Variants in TAF2 observed in about 807,000 individuals in gnomAD.
TAF2 encodes the protein transcription initiation factor TFIID subunit 2.
A neutral mutation model predicts 138.5 loss-of-function variants in TAF2; 61 were observed. That is an observed-to-expected ratio of 0.44 (90% confidence interval 0.36 to 0.54). The LOEUF (loss-of-function observed/expected upper bound fraction) is 0.54, where lower values mean the gene tolerates loss of function less well. Ranked by LOEUF, TAF2 falls within the 20% of genes least tolerant of loss-of-function variation. TAF2 has a pLI of 0.00. For missense variants in TAF2, 1,090 were observed against 1,427.9 expected, an observed-to-expected ratio of 0.76 and a Z score of 3.81; for synonymous variants, 475 against 469.9, an observed-to-expected ratio of 1.01 and a Z score of -0.14.
rs115960755 is a variant in TAF2 at position 119,822,431 on chromosome 8, C to T, written c.139-2925G>A. Among the ~76,000 whole-genome samples the T allele has an allele frequency of 9.2e-3, 1,406 of 152,018 alleles. 15 individuals are homozygous for T. Among genetic ancestry groups the T allele is most frequent in the African/African-American group, 0.033 (1,357 of 41,470 alleles). On this transcript the variant is annotated intron_variant, in intron 2 of 25. Coordinates refer to ENST00000378164, the MANE Select transcript of TAF2 (RefSeq NM_003184.4). ...CTAGAGACGGGTCTTATCATGTTGC[C>T]CAAGCTGGTCTAGAACTTCTGGCCT... is the stretch of plus-strand genomic sequence containing the variant.
chr8:119,763,656 G>A (rs1242838338), intron 18 of TAF2, among the ~76,000 whole-genome samples: 1 of 152,082 alleles, frequency 6.6e-6, no homozygotes, highest in Non-Finnish European at 1.5e-5. Context: ...CTTGAACCCA[G>A]GAGACGGAGG....
At chr8:119,803,713 A>AT (rs1057174637) in intron 5 of TAF2, among the ~76,000 whole-genome samples, 165 bp downstream of exon 5, 2 of 151,560 alleles carry the variant, frequency 1.3e-5, no homozygotes, top group Admixed American at 6.6e-5. Context: ...AGAAAAAAAA[A>AT]TTTTTTTTTA....
intron 25 of TAF2, among the ~76,000 whole-genome samples, chr8:119,740,086 C>G (rs920102305): frequency 1.3e-5 from 2 of 152,120 alleles, no homozygotes; most frequent in Non-Finnish European, 2.9e-5. Context: ...CCTAAACCCG[C>G]AACTCTCAAC....
chr8:119,766,024 A>G (rs1447693251), intron 18 of TAF2, among the ~76,000 whole-genome samples: 3 of 152,206 alleles, frequency 2.0e-5, no homozygotes, highest in African/African-American at 4.8e-5. Context: ...CGATGTAGGT[A>G]TCACAGCTGC....
chr8:119,785,192 C>CTAACTTA lies in TAF2; in HGVS notation c.1859+2_1859+8dup, dbSNP rs1344724877. ...TATTATAACCTTATATTTAAGTTAA[C>CTAACTTA]TAACTTACTCCATTGCAGAAAGATC... On this transcript the variant is annotated intron_variant, in intron 15 of 25. Transcript: ENST00000378164. The CTAACTTA allele has an allele frequency of 2.5e-6, 4 of 1,605,042 alleles. No homozygotes were observed. Among genetic ancestry groups the CTAACTTA allele is most frequent in the Non-Finnish European group, 3.4e-6 (4 of 1,172,242 alleles).
Position 119,789,586 on chromosome 8 carries a change from G to T in TAF2, c.1568+6C>A. 1.9e-6 allele frequency: 3 copies of T among 1,612,942 alleles called. No homozygotes were observed. Among genetic ancestry groups the T allele is most frequent in the Non-Finnish European group, 2.5e-6 (3 of 1,179,732 alleles). On this transcript the variant is annotated splice_donor_region_variant and intron_variant, in intron 12 of 25. Transcript: ENST00000378164. Reference sequence around the variant, plus strand: ...CACTCTGTTGAACTGCTATTGAAAAGGATACACCCACTGCTTTATTAACGG... The same window carrying T: ...CACTCTGTTGAACTGCTATTGAAAATGATACACCCACTGCTTTATTAACGG...
intron 23 of TAF2, 34 bp downstream of exon 23, chr8:119,746,671 A>C (rs764524561): frequency 1.2e-6 from 2 of 1,600,050 alleles, no homozygotes; most frequent in Admixed American, 3.3e-5. Context: ...CTATATAATG[A>C]AACTACGTCT....
intron 3 of TAF2, among the ~76,000 whole-genome samples, chr8:119,816,175 C>A (rs1271710028): frequency 6.6e-6 from 1 of 151,740 alleles, no homozygotes; most frequent in Admixed American, 6.6e-5. Flanking sequence ...CTCAGCCTCC[C>A]AAGTAGCTGG....
At chr8:119,775,640 T>C (rs1037524746) in intron 18 of TAF2, among the ~76,000 whole-genome samples, 1 of 151,248 alleles carries the variant, frequency 6.6e-6, no homozygotes, top group African/African-American at 2.4e-5. Flanking sequence ...GAGGTGGAGG[T>C]TGCAGTGCAC....
chr8:119,731,986 G>A lies in TAF2; in HGVS notation c.3538C>T (p.Pro1180Ser). The change falls in exon 26 of 26, where the codon CCT (proline) becomes TCT (serine). Residue 1180 changes from proline to serine, a missense_variant. By Grantham distance (74) the Pro-to-Ser change is moderately conservative. Around this residue, in one of 3 missense-constraint regions of TAF2, gnomAD observed 580 missense variants for 719.6 expected, o/e 0.81. Transcript: ENST00000378164. ...KHDSKEKDKE[P>S]FTFSSPASGR... ...CTGGCAGGGCTGGAGAAAGTGAAAG[G>A]CTCCTTGTCCTTTTCTTTACTGTCA... The A allele has an allele frequency of 2.5e-6, 4 of 1,614,156 alleles. No homozygotes were observed. The highest frequency in any genetic ancestry group is 2.5e-6 in the Non-Finnish European group (3 of 1,180,026).
intron 2 of TAF2, among the ~76,000 whole-genome samples, chr8:119,826,287 A>G (rs1419153249): frequency 6.6e-6 from 1 of 151,666 alleles, no homozygotes. Flanking sequence ...AGAAACAAAC[A>G]AACAAAAAAA....
At chr8:119,793,556 A>C in intron 9 of TAF2, 105 bp from the exon 10 acceptor site, 2 of 839,782 alleles carry the variant, frequency 2.4e-6, no homozygotes, top group Non-Finnish European at 3.8e-6. Flanking sequence ...CTAAAATCAG[A>C]ATGTAAATTT....
chr8:119,788,980 T>A, intron 12 of TAF2, 76 bp from the exon 13 acceptor site: 1 of 1,023,652 alleles, frequency 9.8e-7, no homozygotes, highest in African/African-American at 1.6e-5. Context: ...ATCATGGTAT[T>A]AATAATTTTC....
rs1352052466 is a variant in TAF2 at position 119,781,077 on chromosome 8, G to T, written c.2229C>A (p.Ser743Arg). The T allele has an allele frequency of 1.9e-6, 3 of 1,613,342 alleles. No homozygotes were observed. The highest frequency in any genetic ancestry group is 2.5e-6 in the Non-Finnish European group (3 of 1,179,920). ...PNIVKTNNFM[S>R]FQSYFLQKTM... is the part of the protein sequence containing the mutation. The stretch of plus-strand genomic sequence containing the variant: ...CCTTCTGTAGAAAATAGCTTTGAAA[G>T]CTCATAAAGTTGTTTGTTTTCACAA... The change falls in exon 17 of 26, where the codon AGC becomes AGA. Residue 743 changes from serine (S) to arginine (R), a missense_variant. By Grantham distance (110) the Ser-to-Arg change is moderately radical (BLOSUM62 -1). This residue lies in a region of TAF2 where 580 missense variants were observed against 719.6 expected (regional missense o/e 0.81). Transcript: ENST00000378164.
chr8:119,806,049 C>T (rs1449511256), intron 4 of TAF2, among the ~76,000 whole-genome samples: 2 of 151,852 alleles, frequency 1.3e-5, no homozygotes, highest in African/African-American at 2.4e-5. Context: ...GGATTACATG[C>T]GCCCACCAAG....
intron 8 of TAF2, among the ~76,000 whole-genome samples, chr8:119,796,331 C>G (rs7017010): frequency 0.58 from 88,224 of 151,846 alleles, 25,801 homozygotes; most frequent in Middle Eastern, 0.75. Flanking sequence ...AGAAAACCAA[C>G]ATTTCCATAC....
At chr8:119,739,102 G>C (rs1700737206) in intron 25 of TAF2, among the ~76,000 whole-genome samples, 1 of 150,514 alleles carries the variant, frequency 6.6e-6, no homozygotes, top group South Asian at 2.1e-4. Flanking sequence ...TGCAGCCCTA[G>C]CTAGGCAGCT....
chr8:119,791,243 CCTATT>C, intron 11 of TAF2, 76 bp downstream of exon 11: 1 of 1,531,678 alleles, frequency 6.5e-7, no homozygotes, highest in East Asian at 2.3e-5. Flanking sequence ...TGTCCTGACT[CCTATT>C]CTACAGAAAC....
intron 8 of TAF2, among the ~76,000 whole-genome samples, chr8:119,796,440 C>A (rs1004500777): frequency 1.3e-5 from 2 of 152,034 alleles, no homozygotes; most frequent in African/African-American, 2.4e-5. Context: ...AGCATATATA[C>A]CTTTCATTTC....
Sources: gnomAD v4.1 joint callset for allele counts (sites outside exome capture counted in the v4.1 genomes callset) on GRCh38, gnomAD v4.1.1 for gene constraint, gnomAD v4.1.1 regional missense constraint, MANE v1.5 for transcripts, NCBI Gene and HGNC (gene_info 2026-07-23, HGNC 2026-07-21) for gene names.